SASS6: variants seen among roughly 807,000 people sequenced by gnomAD.
SASS6 encodes spindle assembly abnormal protein 6 homolog.
In SASS6, 59 loss-of-function variants were observed where a neutral mutation model predicts 94.9. The observed-to-expected ratio is 0.62, with a 90% CI of 0.50 to 0.77. SASS6 has a LOEUF of 0.77. Among genes scored for constraint, SASS6 ranks in the 30% least tolerant of loss-of-function variants. SASS6 has a pLI of 0.00. For synonymous variants in SASS6, 264 were observed against 270.0 expected (o/e 0.98, Z 0.22); for missense variants, 698 against 734.1 (o/e 0.95, Z 0.57).
chr1:100,117,893 G>T (rs576607569), intron 7 of SASS6, among the ~76,000 whole-genome samples: 3 of 145,348 alleles, frequency 2.1e-5, no homozygotes, highest in South Asian at 4.3e-4. Flanking sequence ...GGGATGAAAA[G>T]AAAATAAAAA....
intron 1 of SASS6, among the ~76,000 whole-genome samples, 155 bp downstream of exon 1, chr1:100,132,595 G>A (rs1283284235): frequency 6.6e-6 from 1 of 152,132 alleles, no homozygotes; most frequent in Non-Finnish European, 1.5e-5. Flanking sequence ...GGTGAGAGAG[G>A]TAACCACCGG....
At position 100,119,281 on chromosome 1, in the gene SASS6, A is replaced by G. The variant is rs146762504; in HGVS notation, c.550-144T>C. The G allele has an allele frequency of 2.1e-3, 889 of 432,284 alleles. 11 individuals carry two copies. Among genetic ancestry groups the G allele is most frequent in the East Asian group, 0.014 (365 of 26,090 alleles). 26.8% of individuals were successfully genotyped at this position (432,284 alleles called of 1,614,324 possible). A position where few individuals can be genotyped will look rare whatever the true frequency, so the allele number is the denominator to read the frequency against. On this transcript the variant is annotated intron_variant, in intron 6 of 16. Transcript: ENST00000287482. ...CATGTTCAAAGCCTTTTCCTACACA[A>G]AATTTTTTAATTTTAGGAAATCAAC...
intron 7 of SASS6, among the ~76,000 whole-genome samples, chr1:100,114,533 T>TAAATAAAAATA (rs932484381): frequency 1.3e-5 from 2 of 149,542 alleles, no homozygotes; most frequent in Admixed American, 6.7e-5. Context: ...AAAAAATAAA[T>TAAATAAAAATA]AAATAAAAAT....
intron 14 of SASS6, among the ~76,000 whole-genome samples, chr1:100,096,868 C>G (rs972105852): frequency 1.3e-5 from 2 of 152,188 alleles, no homozygotes; most frequent in Admixed American, 6.5e-5. Flanking sequence ...GTAATCCCAG[C>G]ACTTTGAGAG....
intron 13 of SASS6, among the ~76,000 whole-genome samples, chr1:100,104,517 T>C (rs1652746072): frequency 2.0e-5 from 3 of 151,880 alleles, no homozygotes; most frequent in Admixed American, 2.0e-4. Context: ...TGGAGTACAG[T>C]GGTGCGATCT....
intron 7 of SASS6, among the ~76,000 whole-genome samples, chr1:100,112,962 C>T (rs1653456039): frequency 6.6e-6 from 1 of 152,134 alleles, no homozygotes; most frequent in African/African-American, 2.4e-5. Context: ...GAAGTGTTGA[C>T]CTGGTTTTAA....
chr1:100,107,027 A>C, intron 11 of SASS6, 34 bp from the exon 12 acceptor site: 1 of 887,052 alleles, frequency 1.1e-6, no homozygotes, highest in Non-Finnish European at 1.8e-6. Context: ...TAAGTCAAGC[A>C]AAATAAAGGT....
intron 1 of SASS6, 93 bp from the exon 2 acceptor site, chr1:100,126,035 G>T: frequency 3.0e-6 from 2 of 657,262 alleles, no homozygotes; most frequent in South Asian, 2.1e-5. Flanking sequence ...TAAGTGACAA[G>T]ACTTTCCACA....
intron 14 of SASS6, among the ~76,000 whole-genome samples, chr1:100,097,319 C>T (rs563675081): frequency 1.3e-5 from 2 of 152,234 alleles, no homozygotes; most frequent in Admixed American, 6.5e-5. Context: ...GGGTACTCAC[C>T]CACAATAAAT....
At chr1:100,093,174 CTTTTTTTT>C (rs909537970) in intron 14 of SASS6, among the ~76,000 whole-genome samples, 5 of 87,412 alleles carry the variant, frequency 5.7e-5, no homozygotes, top group African/African-American at 1.3e-4. Flanking sequence ...CTATTGTTTT[CTTTTTTTT>C]TTTTTTTTTT....
At chr1:100,127,543 G>T (rs1654708875) in intron 1 of SASS6, among the ~76,000 whole-genome samples, 1 of 152,196 alleles carries the variant, frequency 6.6e-6, no homozygotes, top group Non-Finnish European at 1.5e-5. Flanking sequence ...CTCATAACTT[G>T]TATCTGTTTT....
rs1313795591 is a variant in SASS6, at chr1:100,085,086, T to C, written c.*242A>G. 2.6e-5 allele frequency: 11 copies of C among 430,362 alleles called. No individual in the cohort carries two copies. The East Asian group carries it at 4.1e-4, about 16-fold the overall frequency. 26.7% of individuals were successfully genotyped at this position (430,362 alleles called of 1,614,324 possible). A position where few individuals can be genotyped will look rare whatever the true frequency, so the allele number is the denominator to read the frequency against. ...GAATAGCTTAATAAAATTCATATTA[T>C]TCTATAAAACGCCATGTTCACAAAC... On this transcript the variant is annotated 3_prime_UTR_variant, in exon 17 of 17. Transcript: ENST00000287482.
intron 7 of SASS6, among the ~76,000 whole-genome samples, chr1:100,112,840 G>T (rs528755204): frequency 6.6e-6 from 1 of 152,130 alleles, no homozygotes; most frequent in Admixed American, 6.5e-5. Context: ...CTCCACCCCC[G>T]ACTAACTGTA....
intron 1 of SASS6, among the ~76,000 whole-genome samples, chr1:100,127,934 T>C (rs555550592): frequency 6.6e-6 from 1 of 152,330 alleles, no homozygotes; most frequent in East Asian, 1.9e-4. Context: ...TTGGTTTTCA[T>C]CTTCTGAAGT....
intron 1 of SASS6, among the ~76,000 whole-genome samples, chr1:100,129,635 G>A (rs1469961387): frequency 1.3e-5 from 2 of 152,120 alleles, no homozygotes; most frequent in South Asian, 2.1e-4. Context: ...TCCTTATAGT[G>A]AAAGGATTTA....
chr1:100,130,867 T>C (rs1467583789), intron 1 of SASS6, among the ~76,000 whole-genome samples: 4 of 152,166 alleles, frequency 2.6e-5, no homozygotes, highest in Non-Finnish European at 5.9e-5. Context: ...GCAGCTACAA[T>C]ATGTAAACAA....
intron 1 of SASS6, among the ~76,000 whole-genome samples, chr1:100,131,881 T>A (rs1655063988): frequency 6.6e-6 from 1 of 152,136 alleles, no homozygotes; most frequent in South Asian, 2.1e-4. Context: ...TCACACCTGA[T>A]CCTCATTACA....
At chr1:100,089,610 C>T (rs569236) in intron 14 of SASS6, among the ~76,000 whole-genome samples, 26,999 of 151,946 alleles carry the variant, frequency 0.18, 3,070 homozygotes, top group Non-Finnish European at 0.24. Flanking sequence ...CTTCAAAATA[C>T]AGATAGGAAA....
rs185120188 is a variant in SASS6, at chr1:100,119,326, T to C, written c.550-189A>G. 2.0e-5 allele frequency among the ~76,000 whole-genome samples: 3 copies of C among 152,342 alleles called. No homozygotes were observed. The East Asian group carries it at 5.8e-4, about 29-fold the overall frequency. ...ATCAACATTAGAATAAGAACAATCT[T>C]AGACCCAAAACGGCCCACAGGTCAA... On this transcript the variant is annotated intron_variant, in intron 6 of 16. Transcript: ENST00000287482.
Sources: allele counts gnomAD v4.1 joint callset (sites outside exome capture counted in the v4.1 genomes callset), GRCh38; gene constraint gnomAD v4.1.1; transcripts MANE v1.5; gene names NCBI Gene and HGNC (gene_info 2026-07-23, HGNC 2026-07-21).